Variants in ZDHHC14 observed in about 807,000 individuals in gnomAD.
ZDHHC14 encodes the protein zDHHC palmitoyltransferase 14, also known as palmitoyltransferase ZDHHC14.
In ZDHHC14, 16 loss-of-function variants were observed where a neutral mutation model predicts 47.7. That is an observed-to-expected ratio of 0.34 (90% CI 0.23 to 0.51). ZDHHC14 has a LOEUF of 0.51. Among genes scored for constraint, ZDHHC14 ranks in the 20% least tolerant of loss-of-function variants. The pLI is 0.97. For missense variants in ZDHHC14, 515 were observed against 662.5 expected, an observed-to-expected ratio of 0.78 and a Z score of 2.44; for synonymous variants, 293 against 278.9, an observed-to-expected ratio of 1.05 and a Z score of -0.50.
At position 157,427,285 on chromosome 6, in the gene ZDHHC14, A is replaced by G. The variant is rs560786780; in HGVS notation, c.245+45019A>G. ...AGTGTGATGGTTGATTTTAAACATAATACAGCAAGTGGGCAGAGATGTGAG... is the reference window on the plus strand; with the variant it reads ...AGTGTGATGGTTGATTTTAAACATAGTACAGCAAGTGGGCAGAGATGTGAG... On this transcript the variant is annotated intron_variant, in intron 1 of 8. Coordinates refer to ENST00000359775, the MANE Select transcript of ZDHHC14 (RefSeq NM_024630.3). This position sits in a 1 kb window ranked among gnomAD's most constrained non-coding sequence, Gnocchi z 4.4. 2.4e-4 allele frequency among the ~76,000 whole-genome samples: 37 copies of G among 152,256 alleles called. No homozygotes were observed. The highest frequency in any genetic ancestry group is 8.9e-4 in the African/African-American group (37 of 41,552).
At chr6:157,621,259 T>C (rs1266556771) in intron 3 of ZDHHC14, among the ~76,000 whole-genome samples, 1 of 152,188 alleles carries the variant, frequency 6.6e-6, no homozygotes, top group African/African-American at 2.4e-5. Context: ...AGATACAATA[T>C]GTACCACTGG....
chr6:157,604,773 AC>A (rs1784470942), intron 3 of ZDHHC14, among the ~76,000 whole-genome samples: 1 of 151,932 alleles, frequency 6.6e-6, no homozygotes, highest in Non-Finnish European at 1.5e-5. Context: ...CGAACTCCTG[AC>A]CTCAGGTGAT....
rs1779151230 is a variant in ZDHHC14 at position 157,463,906 on chromosome 6, T to TC, written c.246-78676dup. 6.6e-6 allele frequency among the ~76,000 whole-genome samples: 1 copy of TC among 152,116 alleles called. No homozygotes were observed. Among genetic ancestry groups the TC allele is most frequent in the Non-Finnish European group, 1.5e-5 (1 of 68,024 alleles). ...CAGGCATTGTGGCTCATGCCTGCAG[T>TC]CCCAGCTACTCAGGAGGCTGAGGCA... On this transcript the variant is annotated intron_variant, in intron 1 of 8. Coordinates refer to ENST00000359775, the MANE Select transcript of ZDHHC14 (RefSeq NM_024630.3). This position sits in a 1 kb window ranked among gnomAD's most constrained non-coding sequence, Gnocchi z 4.4.
chr6:157,441,219 G>A (rs1043983648), intron 1 of ZDHHC14, among the ~76,000 whole-genome samples: 5 of 152,186 alleles, frequency 3.3e-5, no homozygotes, highest in African/African-American at 7.2e-5. Context: ...TGGAAGGATC[G>A]CTCATGGCTC....
At chr6:157,424,401 A>T (rs925691321) in intron 1 of ZDHHC14, among the ~76,000 whole-genome samples, 1 of 152,188 alleles carries the variant, frequency 6.6e-6, no homozygotes, top group Non-Finnish European at 1.5e-5. Context: ...GGTCAAACTC[A>T]AACACAATCA....
intron 5 of ZDHHC14, among the ~76,000 whole-genome samples, chr6:157,639,275 T>G (rs933583813): frequency 2.6e-5 from 4 of 152,068 alleles, no homozygotes; most frequent in African/African-American, 9.7e-5. Context: ...CAGTGCTGGG[T>G]TTTGATGCTT....
chr6:157,558,315 T>C (rs965817443), intron 2 of ZDHHC14, among the ~76,000 whole-genome samples: 3 of 152,152 alleles, frequency 2.0e-5, no homozygotes, highest in African/African-American at 4.8e-5. Context: ...CCTGATCCCC[T>C]TTTGACAGAT....
chr6:157,538,985 A>C (rs2365615), intron 1 of ZDHHC14, among the ~76,000 whole-genome samples: 60,236 of 151,846 alleles, frequency 0.4, 12,107 homozygotes, highest in Admixed American at 0.45. Context: ...GACACCAGAT[A>C]AGGAGCTCGA....
intron 1 of ZDHHC14, among the ~76,000 whole-genome samples, chr6:157,424,593 A>G (rs1384931002): frequency 2.0e-5 from 3 of 152,206 alleles, no homozygotes; most frequent in Non-Finnish European, 4.4e-5. Context: ...TTGGCTATGA[A>G]CAAACAACTG....
At chr6:157,543,522 C>T (rs1408261730) in intron 2 of ZDHHC14, among the ~76,000 whole-genome samples, 1 of 152,190 alleles carries the variant, frequency 6.6e-6, no homozygotes, top group Non-Finnish European at 1.5e-5. Context: ...AGAGATAATT[C>T]TCTTCCAGGA....
chr6:157,533,974 A>G (rs146066318), intron 1 of ZDHHC14, among the ~76,000 whole-genome samples: 283 of 152,372 alleles, frequency 1.9e-3, no homozygotes, highest in African/African-American at 4.2e-3. Flanking sequence ...TGGTTAGGGA[A>G]TATTATCTGA....
chr6:157,593,873 C>T (rs1784015303), intron 3 of ZDHHC14, among the ~76,000 whole-genome samples: 1 of 152,186 alleles, frequency 6.6e-6, no homozygotes, highest in Admixed American at 6.5e-5. Flanking sequence ...GCTGGAGCTG[C>T]CTAGAGATGA....
chr6:157,670,081 G>T (rs144352038), intron 8 of ZDHHC14, among the ~76,000 whole-genome samples: 1 of 152,190 alleles, frequency 6.6e-6, no homozygotes. Flanking sequence ...GAGAGCGCCC[G>T]CAGCCTACAC....
intron 1 of ZDHHC14, among the ~76,000 whole-genome samples, chr6:157,407,742 C>A (rs1029654809): frequency 3.9e-5 from 6 of 152,194 alleles, no homozygotes; most frequent in African/African-American, 1.4e-4. Context: ...ATGTTCATTT[C>A]ATTGTAGTCT....
chr6:157,618,896 C>T (rs1785071847), intron 3 of ZDHHC14, among the ~76,000 whole-genome samples: 1 of 152,176 alleles, frequency 6.6e-6, no homozygotes, highest in South Asian at 2.1e-4. Context: ...TTGTTTACAT[C>T]TCCTTTTAAG....
intron 3 of ZDHHC14, among the ~76,000 whole-genome samples, chr6:157,620,112 C>T (rs1785127843): frequency 1.3e-5 from 2 of 152,154 alleles, no homozygotes; most frequent in Admixed American, 1.3e-4. Flanking sequence ...TATAACAATA[C>T]CTGAGACTAT....
chr6:157,407,583 T>G (rs1777789378), intron 1 of ZDHHC14, among the ~76,000 whole-genome samples: 1 of 152,176 alleles, frequency 6.6e-6, no homozygotes, highest in South Asian at 2.1e-4. Flanking sequence ...ACTTTTCATC[T>G]GAGAAGACAC....
chr6:157,639,329 G>A (rs939400123), intron 5 of ZDHHC14, among the ~76,000 whole-genome samples: 25 of 152,258 alleles, frequency 1.6e-4, no homozygotes, highest in Middle Eastern at 6.8e-3. Context: ...TGTTGAGATG[G>A]CGTCTCACTC....
intron 1 of ZDHHC14, among the ~76,000 whole-genome samples, chr6:157,491,770 C>T (rs17165368): frequency 0.032 from 4,811 of 152,328 alleles, 122 homozygotes; most frequent in Non-Finnish European, 0.051. Context: ...CCTGATTAAA[C>T]AGCTCTGGCT....
Sources: gnomAD v4.1 joint callset for allele counts (sites outside exome capture counted in the v4.1 genomes callset) on GRCh38, gnomAD v4.1.1 for gene constraint, Gnocchi (gnomAD v3.1) non-coding constraint, MANE v1.5 for transcripts, NCBI Gene and HGNC (gene_info 2026-07-23, HGNC 2026-07-21) for gene names.